The following TASP1 variants were observed in gnomAD, a reference collection of about 807,000 sequenced individuals.
The protein encoded by TASP1 is taspase 1, also known as threonine aspartase 1.
In TASP1, 16 loss-of-function variants were observed where a neutral mutation model predicts 56.6. That is an observed-to-expected ratio of 0.28 (90% CI 0.19 to 0.43). The LOEUF (loss-of-function observed/expected upper bound fraction) is 0.43. Ranked by LOEUF, TASP1 falls within the 20% of genes least tolerant of loss-of-function variation. TASP1 has a pLI of 1.00. For synonymous variants in TASP1, 179 were observed against 184.2 expected (o/e 0.97, Z 0.23); for missense variants, 393 against 511.6 (o/e 0.77, Z 2.24).
the TASP1 span, chr20:13,164,853 G>A: frequency 6.2e-7 from 1 of 1,613,006 alleles, no homozygotes; most frequent in Non-Finnish European, 8.5e-7. Context: ...GACGAGCTTT[G>A]AACTCGAAGA....
the TASP1 span, among the ~76,000 whole-genome samples, chr20:13,119,765 A>T: frequency 6.6e-6 from 1 of 152,202 alleles, no homozygotes; most frequent in African/African-American, 2.4e-5. Context: ...ATCTGCCCTA[A>T]AACAGCAAGA....
intron 10 of TASP1, among the ~76,000 whole-genome samples, chr20:13,506,829 T>C (rs2044149719): frequency 6.6e-6 from 1 of 151,264 alleles, no homozygotes; most frequent in Non-Finnish European, 1.5e-5. Context: ...ATACCCACTC[T>C]CATCACTTCT....
intron 4 of TASP1, among the ~76,000 whole-genome samples, chr20:13,622,250 C>T (rs1293052891): frequency 1.3e-5 from 2 of 152,192 alleles, no homozygotes; most frequent in East Asian, 3.8e-4. Context: ...GTGGGAATTA[C>T]TATCCTCATA....
intron 9 of TASP1, among the ~76,000 whole-genome samples, chr20:13,531,078 C>A (rs538949548): frequency 3.6e-4 from 55 of 152,184 alleles, no homozygotes; most frequent in Non-Finnish European, 2.2e-4. Context: ...AATTAACGTA[C>A]TTGCTGAACA....
At chr20:13,324,787 T>A in the TASP1 span, among the ~76,000 whole-genome samples, 108 of 152,220 alleles carry the variant, frequency 7.1e-4, 1 homozygote, top group South Asian at 0.022. Context: ...CTAAACAAAT[T>A]ATTAGATATT....
At chr20:13,396,640 A>C (rs922486311) in intron 13 of TASP1, among the ~76,000 whole-genome samples, 1 of 152,242 alleles carries the variant, frequency 6.6e-6, no homozygotes, top group Non-Finnish European at 1.5e-5. Context: ...CATTGTCTTA[A>C]ATTAAAAGTA....
the TASP1 span, among the ~76,000 whole-genome samples, chr20:13,368,118 C>T: frequency 6.7e-6 from 1 of 150,156 alleles, no homozygotes; most frequent in African/African-American, 2.5e-5. Context: ...ATTATATTGG[C>T]ATATTTAAAT....
intron 13 of TASP1, among the ~76,000 whole-genome samples, chr20:13,396,762 G>A (rs1013172388): frequency 5.8e-4 from 89 of 152,194 alleles, no homozygotes; most frequent in African/African-American, 1.9e-3. Context: ...ACTGTGTGTC[G>A]CTCATACCTC....
intron 10 of TASP1, among the ~76,000 whole-genome samples, chr20:13,513,528 A>G (rs1208936326): frequency 1.3e-5 from 2 of 152,144 alleles, no homozygotes; most frequent in African/African-American, 4.8e-5. Context: ...TAAGGAGGGA[A>G]GGGATTCTAA....
At chr20:13,147,258 C>G in the TASP1 span, among the ~76,000 whole-genome samples, 4 of 152,154 alleles carry the variant, frequency 2.6e-5, no homozygotes, top group Admixed American at 6.5e-5. Flanking sequence ...AGCTTCAGTG[C>G]CTGATAAAAA....
At chr20:13,305,860 G>T in the TASP1 span, among the ~76,000 whole-genome samples, 1 of 152,052 alleles carries the variant, frequency 6.6e-6, no homozygotes, top group Non-Finnish European at 1.5e-5. Flanking sequence ...TCTGTGTAGA[G>T]ATTTAAAAAA....
In TASP1 at chr20:13,460,048, T is replaced by C. The variant is rs1014760761; in HGVS notation, c.985+23179A>G. On this transcript the variant is annotated intron_variant, in intron 11 of 13. Coordinates refer to ENST00000337743, the MANE Select transcript of TASP1 (RefSeq NM_017714.3). ...AAGAAAGGAAAAATTCCTTCAAAGA[T>C]GTGTCTGTACTCACTGTTTCCTATT... Among the ~76,000 whole-genome samples, 27 of 152,154 alleles carry C rather than the reference T, an allele frequency of 1.8e-4. 1 individual carries two copies. Among genetic ancestry groups the C allele is most frequent in the Admixed American group, 1.4e-3 (22 of 15,266 alleles).
intron 8 of TASP1, among the ~76,000 whole-genome samples, chr20:13,550,143 C>G (rs2045931139): frequency 7.5e-6 from 1 of 132,610 alleles, no homozygotes; most frequent in Non-Finnish European, 1.6e-5. Context: ...GGAATATATA[C>G]ACATACACAC....
At chr20:13,467,487 A>G (rs1301005171) in intron 11 of TASP1, among the ~76,000 whole-genome samples, 1 of 151,160 alleles carries the variant, frequency 6.6e-6, no homozygotes, top group East Asian at 1.9e-4. Flanking sequence ...TAATTATTTG[A>G]CCAAAGGAGC....
intron 10 of TASP1, among the ~76,000 whole-genome samples, chr20:13,514,517 CG>C (rs928041282): frequency 2.6e-5 from 4 of 152,090 alleles, no homozygotes; most frequent in Non-Finnish European, 5.9e-5. Context: ...CTGCTCCCTC[CG>C]TTAGGATTCA....
chr20:13,209,632 C>A, the TASP1 span, among the ~76,000 whole-genome samples: 1 of 152,042 alleles, frequency 6.6e-6, no homozygotes, highest in Admixed American at 6.6e-5. Context: ...ATGACACCCC[C>A]GTGGATTTAT....
chr20:13,428,904 T>C (rs1402800592), intron 12 of TASP1, among the ~76,000 whole-genome samples: 1 of 152,214 alleles, frequency 6.6e-6, no homozygotes, highest in African/African-American at 2.4e-5. Context: ...AGAAACTCCA[T>C]TTGGCACCTA....
intron 10 of TASP1, among the ~76,000 whole-genome samples, chr20:13,520,904 A>G (rs1300406428): frequency 6.6e-6 from 1 of 152,200 alleles, no homozygotes; most frequent in Non-Finnish European, 1.5e-5. Context: ...CAGAATCTAC[A>G]ATGAACTCCA....
the TASP1 span, among the ~76,000 whole-genome samples, chr20:13,382,309 C>T: frequency 9.9e-5 from 15 of 152,284 alleles, no homozygotes; most frequent in South Asian, 3.1e-3. Flanking sequence ...TGGAGCTTCT[C>T]GTGCTGTCAT....
Sources: allele counts gnomAD v4.1 joint callset (sites outside exome capture counted in the v4.1 genomes callset), GRCh38; gene constraint gnomAD v4.1.1; transcripts MANE v1.5; gene names NCBI Gene and HGNC (gene_info 2026-07-23, HGNC 2026-07-21).